Variants in ELAVL1 observed in about 807,000 individuals in gnomAD.
The protein encoded by ELAVL1 is ELAV-like protein 1.
In ELAVL1, 1 loss-of-function variant was observed where a neutral mutation model predicts 28.4. The observed-to-expected ratio is 0.04, with a 90% CI of 0.01 to 0.17. The LOEUF (loss-of-function observed/expected upper bound fraction) is 0.17, where lower values mean the gene tolerates loss of function less well. Among genes scored for constraint, ELAVL1 ranks in the 10% least tolerant of loss-of-function variants. ELAVL1 has a pLI of 1.00. For synonymous variants in ELAVL1, 174 were observed against 183.5 expected, an observed-to-expected ratio of 0.95 and a Z score of 0.42; for missense variants, 157 against 447.2, an observed-to-expected ratio of 0.35 and a Z score of 5.85.
rs2045210337 is a variant in ELAVL1, at chr19:7,958,679, C to G, written c.*4804G>C. 6.6e-6 allele frequency: 1 copy of G among 152,366 alleles called. No individual in the cohort carries two copies. The highest frequency in any genetic ancestry group is 2.1e-4 in the South Asian group (1 of 4,814). 9.4% of individuals were successfully genotyped at this position (152,366 alleles called of 1,614,324 possible). A position where few individuals can be genotyped will look rare whatever the true frequency, so the allele number is the denominator to read the frequency against. On this transcript the variant is annotated 3_prime_UTR_variant, in exon 6 of 6. Coordinates refer to ENST00000407627, the MANE Select transcript of ELAVL1 (RefSeq NM_001419.3). The stretch of plus-strand genomic sequence containing the variant: ...GATACCTGTAGAAAGAACTGAGTAT[C>G]GGGACAATTGAGTCGTTGGAACTGT...
chr19:7,967,983 C>T (rs764852007), intron 4 of ELAVL1, among the ~76,000 whole-genome samples, 193 bp from the exon 5 acceptor site: 24 of 152,226 alleles, frequency 1.6e-4, no homozygotes, highest in Non-Finnish European at 3.4e-4. Context: ...AAGATTAAAG[C>T]TTCAGACTTT....
rs1211281383 is a variant in ELAVL1 at position 7,979,123 on chromosome 19, A to G, written c.276+1960T>C. On this transcript the variant is annotated intron_variant, in intron 3 of 5. Transcript: ENST00000407627. This position sits in a 1 kb window ranked among gnomAD's most constrained non-coding sequence, Gnocchi z 5.4. ...GGGAACTGCTAGAGGAGCCAGGCCC[A>G]GGGAGCCTCGGGGAGACCTGGGGAG... Among the ~76,000 whole-genome samples, 1 of 152,228 alleles carries G rather than the reference A, an allele frequency of 6.6e-6. No individual in the cohort carries two copies. Among genetic ancestry groups the G allele is most frequent in the South Asian group, 2.1e-4 (1 of 4,836 alleles).
chr19:7,985,678 C>A (rs989505462), intron 2 of ELAVL1, among the ~76,000 whole-genome samples: 2 of 152,128 alleles, frequency 1.3e-5, no homozygotes, highest in African/African-American at 4.8e-5. Context: ...GCAAACGGGG[C>A]CCCTGGGATG....
rs1407691115 is a variant in ELAVL1, at chr19:7,960,397, A to G, written c.*3086T>C. ...GGGCGGGCCCCCGAGGAAGCCCATG[A>G]ATTTCAGGATATTCACGCAGGATGG... is the stretch of plus-strand genomic sequence containing the variant. On this transcript the variant is annotated 3_prime_UTR_variant, in exon 6 of 6. Transcript: ENST00000407627. The G allele has an allele frequency of 1.3e-5, 2 of 152,196 alleles. No individual in the cohort carries two copies. The highest frequency in any genetic ancestry group is 2.9e-5 in the Non-Finnish European group (2 of 68,038). 9.4% of individuals were successfully genotyped at this position (152,196 alleles called of 1,614,324 possible). A position where few individuals can be genotyped will look rare whatever the true frequency, so the allele number is the denominator to read the frequency against.
In ELAVL1 at chr19:7,982,225, C is replaced by A. The variant is rs1599672448; in HGVS notation, c.173-1039G>T. 6.6e-6 allele frequency among the ~76,000 whole-genome samples: 1 copy of A among 152,306 alleles called. No homozygotes were observed. Among genetic ancestry groups the A allele is most frequent in the Non-Finnish European group, 1.5e-5 (1 of 68,026 alleles). On this transcript the variant is annotated intron_variant, in intron 2 of 5. Coordinates refer to ENST00000407627, the MANE Select transcript of ELAVL1 (RefSeq NM_001419.3). This position sits in a 1 kb window ranked among gnomAD's most constrained non-coding sequence, Gnocchi z 4.3. The stretch of plus-strand genomic sequence containing the variant: ...CAGGACATTTGGCCAAATGCTCTCA[C>A]TAAAGGGGAAGTGAGGAGGCACAGG...
At chr19:7,996,266 C>T (rs1212845032) in intron 1 of ELAVL1, among the ~76,000 whole-genome samples, 1 of 151,656 alleles carries the variant, frequency 6.6e-6, no homozygotes, top group African/African-American at 2.4e-5. Context: ...ACTGCAAGCT[C>T]CACCTCCCGG....
rs1984818464 is a variant in ELAVL1 at position 7,961,802 on chromosome 19, A to G, written c.*1681T>C. On this transcript the variant is annotated 3_prime_UTR_variant, in exon 6 of 6. Transcript: ENST00000407627. Reference sequence around the variant, plus strand: ...CTCGAGACGCTGACCTGCTCTGGGGACGGTGGTGCCTGCCTATTGCTCAAT... The same window carrying G: ...CTCGAGACGCTGACCTGCTCTGGGGGCGGTGGTGCCTGCCTATTGCTCAAT... 6.6e-6 allele frequency: 1 copy of G among 152,172 alleles called. No individual in the cohort carries two copies. Among genetic ancestry groups the G allele is most frequent in the African/African-American group, 2.4e-5 (1 of 41,428 alleles). 9.4% of individuals were successfully genotyped at this position (152,172 alleles called of 1,614,324 possible). A position where few individuals can be genotyped will look rare whatever the true frequency, so the allele number is the denominator to read the frequency against.
intron 3 of ELAVL1, among the ~76,000 whole-genome samples, chr19:7,976,382 A>T (rs1985290355): frequency 6.6e-6 from 1 of 151,962 alleles, no homozygotes; most frequent in Non-Finnish European, 1.5e-5. Context: ...AGCCTGAGTG[A>T]CAGAGCAAGA....
chr19:7,987,431 C>T (rs1985636877), intron 2 of ELAVL1, among the ~76,000 whole-genome samples: 1 of 152,170 alleles, frequency 6.6e-6, no homozygotes, highest in South Asian at 2.1e-4. Context: ...GACCACCGGG[C>T]GCTGCAGTGG....
At chr19:7,964,759 G>A (rs1984908769) in intron 5 of ELAVL1, among the ~76,000 whole-genome samples, 1 of 152,134 alleles carries the variant, frequency 6.6e-6, no homozygotes, top group Non-Finnish European at 1.5e-5. Context: ...CTGTAATAAG[G>A]ATTAAGGTAT....
chr19:7,976,696 A>G (rs1193091827), intron 3 of ELAVL1, among the ~76,000 whole-genome samples: 1 of 152,078 alleles, frequency 6.6e-6, no homozygotes, highest in Non-Finnish European at 1.5e-5. Context: ...TGTTGAAGCA[A>G]CCTGGCCTGT....
At chr19:7,991,013 G>T (rs148844462) in intron 2 of ELAVL1, among the ~76,000 whole-genome samples, 1 of 152,332 alleles carries the variant, frequency 6.6e-6, no homozygotes, top group East Asian at 1.9e-4. Context: ...CCACATTCCG[G>T]ATGGGGACAC....
At chr19:7,990,107 C>G (rs1440723450) in intron 2 of ELAVL1, among the ~76,000 whole-genome samples, 3 of 152,218 alleles carry the variant, frequency 2.0e-5, no homozygotes, top group Non-Finnish European at 4.4e-5. Flanking sequence ...ATTGCAACCT[C>G]CGCCTCCCAG....
chr19:7,994,294 G>A (rs1217699020), intron 1 of ELAVL1, among the ~76,000 whole-genome samples: 1 of 152,112 alleles, frequency 6.6e-6, no homozygotes, highest in Non-Finnish European at 1.5e-5. Context: ...TCAGGGCCAG[G>A]GGTCGGGGGA....
intron 2 of ELAVL1, among the ~76,000 whole-genome samples, chr19:7,989,478 G>C (rs552379415): frequency 6.6e-6 from 1 of 151,690 alleles, no homozygotes; most frequent in Non-Finnish European, 1.5e-5. Flanking sequence ...CCAAATCTAG[G>C]TGTTCCTTTA....
chr19:8,000,644 C>G (rs2081064394), intron 1 of ELAVL1, among the ~76,000 whole-genome samples: 1 of 152,260 alleles, frequency 6.6e-6, no homozygotes, highest in Non-Finnish European at 1.5e-5. Flanking sequence ...AGGAAATGCT[C>G]TGCTGCCAGA....
chr19:7,977,992 C>T (rs1030583608), intron 3 of ELAVL1, among the ~76,000 whole-genome samples: 1 of 152,264 alleles, frequency 6.6e-6, no homozygotes, highest in Non-Finnish European at 1.5e-5. Context: ...TCCTCCAGAT[C>T]TCAACTCTGG....
chr19:7,975,231 T>C (rs1350417265), intron 3 of ELAVL1, among the ~76,000 whole-genome samples: 1 of 152,170 alleles, frequency 6.6e-6, no homozygotes, highest in African/African-American at 2.4e-5. Context: ...CCTGGCTCCC[T>C]GCAGACCTGT....
Position 7,978,355 on chromosome 19 carries a change from G to A in ELAVL1, c.276+2728C>T, listed in dbSNP as rs117633217. 4.4e-3 allele frequency among the ~76,000 whole-genome samples: 677 copies of A among 152,224 alleles called. 3 individuals are homozygous for A. The highest frequency in any genetic ancestry group is 0.014 in the Middle Eastern group (4 of 294). On this transcript the variant is annotated intron_variant, in intron 3 of 5. Transcript: ENST00000407627. ...CTAGACGGCTGGGGCTGTGAGCTGGGCGATACCGGCCTGACCTCCAGGGTG... is the reference window on the plus strand; with the variant it reads ...CTAGACGGCTGGGGCTGTGAGCTGGACGATACCGGCCTGACCTCCAGGGTG...
Sources: allele counts gnomAD v4.1 joint callset (sites outside exome capture counted in the v4.1 genomes callset), GRCh38; gene constraint gnomAD v4.1.1; non-coding constraint Gnocchi (gnomAD v3.1); transcripts MANE v1.5; gene names NCBI Gene and HGNC (gene_info 2026-07-23, HGNC 2026-07-21).